The following ZNF365 variants were observed in gnomAD, a reference collection of about 807,000 sequenced individuals.
ZNF365 encodes protein ZNF365.
A neutral mutation model predicts 35.0 loss-of-function variants in ZNF365; 22 were observed. The ratio of observed to expected loss-of-function variants is 0.63; its 90% CI spans 0.45 to 0.90. The LOEUF is 0.90. ZNF365 is among the 40% of genes least tolerant of loss of function. The pLI, the probability that ZNF365 is intolerant of heterozygous loss-of-function variation, is 0.00. For missense variants in ZNF365, 448 were observed against 500.3 expected (o/e 0.90, Z 1.00); for synonymous variants, 188 against 196.2 (o/e 0.96, Z 0.35).
intron 3 of ZNF365, among the ~76,000 whole-genome samples, chr10:62,418,561 A>G (rs1840116506): frequency 6.6e-6 from 1 of 151,908 alleles, no homozygotes; most frequent in Non-Finnish European, 1.5e-5. Flanking sequence ...TAACTTTGAA[A>G]TGATTCTAGA....
chr10:62,381,441 G>C (rs1839436453), intron 2 of ZNF365, among the ~76,000 whole-genome samples: 1 of 152,084 alleles, frequency 6.6e-6, no homozygotes, highest in African/African-American at 2.4e-5. Flanking sequence ...TCTGCTGAGT[G>C]TTTTTTCCAT....
At chr10:62,457,057 T>C (rs1244537090) in intron 3 of ZNF365, among the ~76,000 whole-genome samples, 2 of 152,198 alleles carry the variant, frequency 1.3e-5, no homozygotes. Context: ...CTTACGCTTC[T>C]GGGCTAGTGT....
chr10:62,415,405 A>G (rs559473460), intron 3 of ZNF365, among the ~76,000 whole-genome samples: 73 of 152,246 alleles, frequency 4.8e-4, no homozygotes, highest in African/African-American at 1.5e-3. Flanking sequence ...GGTAAGACTC[A>G]GTCTACCTCT....
At chr10:62,465,758 C>A (rs2132485393) in intron 4 of ZNF365, among the ~76,000 whole-genome samples, 1 of 152,264 alleles carries the variant, frequency 6.6e-6, no homozygotes, top group African/African-American at 2.4e-5. Flanking sequence ...GGATGTGGGA[C>A]AAGAACTTGG....
intron 4 of ZNF365, chr10:62,459,860 T>A (rs1472761871): frequency 4.0e-6 from 6 of 1,489,614 alleles, no homozygotes; most frequent in Non-Finnish European, 5.5e-6. Context: ...CCCATCTGGG[T>A]CCATATGAGA....
At chr10:62,456,197 G>T (rs1184856101) in intron 3 of ZNF365, among the ~76,000 whole-genome samples, 1 of 151,906 alleles carries the variant, frequency 6.6e-6, no homozygotes, top group South Asian at 2.1e-4. Context: ...ACCAACTGCT[G>T]CTAGTGGCCA....
intron 2 of ZNF365, among the ~76,000 whole-genome samples, chr10:62,379,530 A>G (rs1444634332): frequency 6.6e-6 from 1 of 151,770 alleles, no homozygotes; most frequent in Non-Finnish European, 1.5e-5. Context: ...CTCTTTCTGT[A>G]CATAAAGTGG....
chr10:62,405,004 G>A (rs1455179204), downstream of ZNF365, among the ~76,000 whole-genome samples: 4 of 152,214 alleles, frequency 2.6e-5, no homozygotes, highest in Non-Finnish European at 5.9e-5. Flanking sequence ...TGGAGAAACA[G>A]CAGTTGGGGA....
At chr10:62,478,899 A>G (rs1841176541) in intron 4 of ZNF365, among the ~76,000 whole-genome samples, 1 of 152,210 alleles carries the variant, frequency 6.6e-6, no homozygotes, top group South Asian at 2.1e-4. Context: ...TAAGTCTTAA[A>G]CAATGTTTTA....
rs749968463 is a variant in ZNF365, at chr10:62,399,686, G to T, written c.1121G>T (p.Cys374Phe). 6.2e-7 allele frequency: 1 copy of T among 1,614,136 alleles called. No individual in the cohort carries two copies. The highest frequency in any genetic ancestry group is 8.5e-7 in the Non-Finnish European group (1 of 1,180,034). Reference protein sequence around the residue: ...HEQAESSRDLCRPPKKGELLG... With the variant: ...HEQAESSRDLFRPPKKGELLG... ...CAGGCTGAGTCCTCAAGAGACCTCT[G>T]CAGACCTCCAAAGAAAGGGGAGCTC... is the stretch of plus-strand genomic sequence containing the variant. Residue 374 changes from cysteine to phenylalanine, a missense_variant, in exon 5 of 5, where the codon TGC becomes TTC. By Grantham distance (205) the Cys-to-Phe change is radical. This residue lies in a region of ZNF365 where 362 missense variants were observed against 375.7 expected (regional missense o/e 0.96). Coordinates refer to ENST00000395254, the MANE Select transcript of ZNF365 (RefSeq NM_014951.3).
At chr10:62,379,981 G>T (rs1194043471) in intron 2 of ZNF365, among the ~76,000 whole-genome samples, 2 of 151,856 alleles carry the variant, frequency 1.3e-5, no homozygotes, top group Non-Finnish European at 2.9e-5. Context: ...TAGTAGATTT[G>T]GTTTAAAAAA....
chr10:62,374,406 C>T lies in ZNF365; in HGVS notation c.-66C>T. ...GGCTCTGCTGAAAACCGCTTCGCTC[C>T]CGCAGCATCAGCACCGGAGGCGGCG... On this transcript the variant is annotated 5_prime_UTR_variant, in exon 1 of 5. Coordinates refer to ENST00000395254, the MANE Select transcript of ZNF365 (RefSeq NM_014951.3). 1 of 146,978 alleles carries T rather than the reference C, an allele frequency of 6.8e-6. No homozygotes were observed. The highest frequency in any genetic ancestry group is 1.5e-5 in the Non-Finnish European group (1 of 66,020). 9.1% of individuals were successfully genotyped at this position (146,978 alleles called of 1,614,324 possible). A position where few individuals can be genotyped will look rare whatever the true frequency, so the allele number is the denominator to read the frequency against.
intron 3 of ZNF365, among the ~76,000 whole-genome samples, chr10:62,407,597 C>T (rs1222184163): frequency 2.7e-5 from 4 of 146,346 alleles, no homozygotes; most frequent in African/African-American, 5.4e-5. Context: ...CTCCTCTCCT[C>T]TCCTCTCCTC....
intron 3 of ZNF365, among the ~76,000 whole-genome samples, chr10:62,439,472 C>T (rs183209453): frequency 6.9e-4 from 105 of 152,042 alleles, no homozygotes; most frequent in Non-Finnish European, 5.0e-4. Flanking sequence ...ATGTGTAGCT[C>T]GGTTTAGCCA....
intron 3 of ZNF365, among the ~76,000 whole-genome samples, chr10:62,433,532 A>G (rs918816512): frequency 3.3e-5 from 5 of 152,172 alleles, no homozygotes; most frequent in Non-Finnish European, 5.9e-5. Flanking sequence ...GTTCCTGATG[A>G]TGAAAAAGTG....
At chr10:62,375,020 G>A (rs1839294069) in intron 1 of ZNF365, among the ~76,000 whole-genome samples, 1 of 152,132 alleles carries the variant, frequency 6.6e-6, no homozygotes, top group Admixed American at 6.5e-5. Context: ...TGCCTGCCTC[G>A]CTGCCTGGGG....
intron 3 of ZNF365, among the ~76,000 whole-genome samples, chr10:62,454,521 G>A (rs1840731684): frequency 6.6e-6 from 1 of 152,094 alleles, no homozygotes; most frequent in African/African-American, 2.4e-5. Flanking sequence ...CAAATTTACG[G>A]AAACACTGAG....
chr10:62,403,016 G>C (rs569779461), downstream of ZNF365, among the ~76,000 whole-genome samples: 1 of 152,184 alleles, frequency 6.6e-6, no homozygotes, highest in South Asian at 2.1e-4. Flanking sequence ...AACAGTGCAA[G>C]GGTTAGGGAC....
intron 4 of ZNF365, among the ~76,000 whole-genome samples, chr10:62,471,163 G>A (rs1016419826): frequency 2.6e-5 from 4 of 151,960 alleles, no homozygotes; most frequent in Non-Finnish European, 5.9e-5. Context: ...TCAGGAGATC[G>A]AGATCATCCT....
Sources: gnomAD v4.1 joint callset for allele counts (sites outside exome capture counted in the v4.1 genomes callset) on GRCh38, gnomAD v4.1.1 for gene constraint, gnomAD v4.1.1 regional missense constraint, MANE v1.5 for transcripts, NCBI Gene and HGNC (gene_info 2026-07-23, HGNC 2026-07-21) for gene names.